Variants in NFIX observed in about 807,000 individuals in gnomAD.
NFIX encodes nuclear factor I X.
NFIX carries 2 observed loss-of-function variants against 53.3 expected under a neutral mutation model. The ratio of observed to expected loss-of-function variants is 0.04; its 90% CI spans 0.02 to 0.12. The LOEUF is 0.12. Among genes scored for constraint, NFIX ranks in the 10% least tolerant of loss-of-function variants. The pLI, the probability that NFIX is intolerant of heterozygous loss-of-function variation, is 1.00. For synonymous variants in NFIX, 244 were observed against 289.0 expected, an observed-to-expected ratio of 0.84 and a Z score of 1.58; for missense variants, 310 against 674.5, an observed-to-expected ratio of 0.46 and a Z score of 5.99.
intron 2 of NFIX, among the ~76,000 whole-genome samples, chr19:13,053,992 C>T (rs1392721072): frequency 3.9e-5 from 6 of 152,056 alleles, no homozygotes; most frequent in East Asian, 1.9e-4. Context: ...TACTGGCCTG[C>T]GGCCAGCGGC....
At chr19:13,015,632 G>A (rs1282173787) in intron 1 of NFIX, among the ~76,000 whole-genome samples, 1 of 152,178 alleles carries the variant, frequency 6.6e-6, no homozygotes, top group Non-Finnish European at 1.5e-5. Flanking sequence ...CAAGCAGGGC[G>A]AGAGGAGGGG....
intron 1 of NFIX, among the ~76,000 whole-genome samples, chr19:13,003,759 C>T (rs765263927): frequency 6.6e-6 from 1 of 152,176 alleles, no homozygotes. Context: ...CCATCTCAGC[C>T]TCCTGAGTAG....
intron 1 of NFIX, 37 bp downstream of exon 1, chr19:12,995,901 A>AGCGGGCGCGGGAGGCCGGCCGGCGGC (rs2011446732): frequency 1.1e-6 from 1 of 946,464 alleles, no homozygotes; most frequent in East Asian, 1.4e-4. Flanking sequence ...GGGGGAGGGG[A>AGCGGGCGCGGGAGGCCGGCCGGCGGC]GCGGGCGCGG....
At chr19:13,062,982 C>T (rs574587992) in intron 2 of NFIX, among the ~76,000 whole-genome samples, 1 of 152,300 alleles carries the variant, frequency 6.6e-6, no homozygotes, top group East Asian at 1.9e-4. Flanking sequence ...TTCTACAGTT[C>T]TAATCCCAGG....
chr19:13,011,194 TC>T lies in NFIX; in HGVS notation c.28-13822del, dbSNP rs1436466362. On this transcript the variant is annotated intron_variant, in intron 1 of 10. Coordinates refer to ENST00000592199, the MANE Select transcript of NFIX (RefSeq NM_001365902.3). The surrounding 1 kb of genome is among the most constrained non-coding windows in gnomAD (Gnocchi z 6.5). ...GTTCTTAAAGACCGGGGACCCCCCCTCCCCCAAGGGCCGGACTGCAGCTCCG... is the reference window on the plus strand; with the variant it reads ...GTTCTTAAAGACCGGGGACCCCCCCTCCCCAAGGGCCGGACTGCAGCTCCG... Among the ~76,000 whole-genome samples, 2 of 151,520 alleles carry T rather than the reference TC, an allele frequency of 1.3e-5. No individual in the cohort carries two copies. The highest frequency in any genetic ancestry group is 2.9e-5 in the Non-Finnish European group (2 of 67,878).
In NFIX at chr19:13,094,670, A is replaced by G; in HGVS notation, c.*21A>G. The G allele has an allele frequency of 1.3e-6, 2 of 1,535,686 alleles. No homozygotes were observed. The highest frequency in any genetic ancestry group is 1.7e-6 in the Non-Finnish European group (2 of 1,146,338). On this transcript the variant is annotated 3_prime_UTR_variant, in exon 11 of 11. Transcript: ENST00000592199. This position sits in a 1 kb window ranked among gnomAD's most constrained non-coding sequence, Gnocchi z 4.3. ...TCTGATAAGATCGACAAAAGAAACA[A>G]CAAAATGAGAAGAAGAGGTTCCTCG...
In NFIX at chr19:13,088,175, T is replaced by G; in HGVS notation, c.1402+39T>G. 6.5e-7 allele frequency: 1 copy of G among 1,534,432 alleles called. No individual in the cohort carries two copies. The highest frequency in any genetic ancestry group is 8.7e-7 in the Non-Finnish European group (1 of 1,145,560). ...GAAACCGAAACCACAACGCCCAGCGTCCCCGGCCCGTCCAAACAGTCTCCA... is the reference window on the plus strand; with the variant it reads ...GAAACCGAAACCACAACGCCCAGCGGCCCCGGCCCGTCCAAACAGTCTCCA... On this transcript the variant is annotated intron_variant, in intron 9 of 10. Transcript: ENST00000592199. This position sits in a 1 kb window ranked among gnomAD's most constrained non-coding sequence, Gnocchi z 5.9.
In NFIX at chr19:13,027,463, A is replaced by G. The variant is rs2013457605; in HGVS notation, c.559+1911A>G. ...GAAGGCTCGGAGCCTCGAGCTTACC[A>G]GTGTGGCCATCAGATACTCCTGCAC... On this transcript the variant is annotated intron_variant, in intron 2 of 10. Transcript: ENST00000592199. The surrounding 1 kb of genome is among the most constrained non-coding windows in gnomAD (Gnocchi z 4.3). 6.6e-6 allele frequency among the ~76,000 whole-genome samples: 1 copy of G among 152,164 alleles called. No homozygotes were observed. Among genetic ancestry groups the G allele is most frequent in the African/African-American group, 2.4e-5 (1 of 41,420 alleles).
chr19:13,070,078 G>A (rs1339432472), intron 2 of NFIX: 1 of 152,294 alleles, frequency 6.6e-6, no homozygotes, highest in Non-Finnish European at 1.5e-5. Flanking sequence ...AGGTAAGAAA[G>A]CTGGCCCACG....
rs1442488895 is a variant in NFIX at position 13,036,719 on chromosome 19, A to G, written c.559+11167A>G. Among the ~76,000 whole-genome samples the G allele has an allele frequency of 2.0e-5, 3 of 152,188 alleles. No homozygotes were observed. Among genetic ancestry groups the G allele is most frequent in the Admixed American group, 1.3e-4 (2 of 15,286 alleles). On this transcript the variant is annotated intron_variant, in intron 2 of 10. Transcript: ENST00000592199. The surrounding 1 kb of genome is among the most constrained non-coding windows in gnomAD (Gnocchi z 4.7). Reference sequence around the variant, plus strand: ...ATAACAGGTGGCCCAGAATACAGACAGGGGGTGTAATAAGTGTATATCCTC... The same window carrying G: ...ATAACAGGTGGCCCAGAATACAGACGGGGGGTGTAATAAGTGTATATCCTC...
Position 13,045,000 on chromosome 19 carries a change from C to T in NFIX, c.559+19448C>T, listed in dbSNP as rs200757408. 7.2e-5 allele frequency among the ~76,000 whole-genome samples: 11 copies of T among 152,256 alleles called. No homozygotes were observed. The East Asian group carries it at 1.4e-3, about 19-fold the overall frequency. On this transcript the variant is annotated intron_variant, in intron 2 of 10. Coordinates refer to ENST00000592199, the MANE Select transcript of NFIX (RefSeq NM_001365902.3). ...TCCCACTGCAGGCTGTGGGATGACA[C>T]GGGATGACTGCAGTACTGAGGATGG...
chr19:13,083,772 G>A (rs2017612291), intron 8 of NFIX, among the ~76,000 whole-genome samples: 1 of 152,252 alleles, frequency 6.6e-6, no homozygotes, highest in Non-Finnish European at 1.5e-5. Context: ...CCTGCTTGAT[G>A]GAGCCCACGC....
chr19:13,011,450 G>A lies in NFIX; in HGVS notation c.28-13571G>A, dbSNP rs932300257. 3.3e-5 allele frequency among the ~76,000 whole-genome samples: 5 copies of A among 152,246 alleles called. No individual in the cohort carries two copies. In the East Asian group the frequency reaches 9.7e-4, roughly 30 times the overall value. On this transcript the variant is annotated intron_variant, in intron 1 of 10. Coordinates refer to ENST00000592199, the MANE Select transcript of NFIX (RefSeq NM_001365902.3). The surrounding 1 kb of genome is among the most constrained non-coding windows in gnomAD (Gnocchi z 6.5). ...CCCGCCCTCCAGGCCTTCGCTCCAG[G>A]TGCGCCCGGGCGGTGGAGGCGAGTT... is the stretch of plus-strand genomic sequence containing the variant.
rs1474855547 is a variant in NFIX, at chr19:13,036,377, G to A, written c.559+10825G>A. Reference sequence around the variant, plus strand: ...AGAAGAGTGGCAGAGGAAGAAGAGCGTCCTCTCCAGGCCAGGGGTGGGGCT... The same window carrying A: ...AGAAGAGTGGCAGAGGAAGAAGAGCATCCTCTCCAGGCCAGGGGTGGGGCT... On this transcript the variant is annotated intron_variant, in intron 2 of 10. Transcript: ENST00000592199. This position sits in a 1 kb window ranked among gnomAD's most constrained non-coding sequence, Gnocchi z 4.7. 2.6e-5 allele frequency among the ~76,000 whole-genome samples: 4 copies of A among 152,188 alleles called. No homozygotes were observed. Among genetic ancestry groups the A allele is most frequent in the Non-Finnish European group, 4.4e-5 (3 of 68,030 alleles).
Position 13,025,272 on chromosome 19 carries a change from G to C in NFIX, c.279G>C (p.Leu93=). 6.2e-7 allele frequency: 1 copy of C among 1,614,102 alleles called. No homozygotes were observed. The highest frequency in any genetic ancestry group is 8.5e-7 in the Non-Finnish European group (1 of 1,179,938). The change falls in exon 2 of 11, where the codon CTG becomes CTC. Residue 93 remains leucine (L), a synonymous_variant. Transcript: ENST00000592199. The surrounding 1 kb of genome is among the most constrained non-coding windows in gnomAD (Gnocchi z 7.5). ...CCGAGTTCCGCGAGGACTTCGTGCTGACCATCACGGGCAAGAAGCCCCCCT... is the reference window on the plus strand; with the variant it reads ...CCGAGTTCCGCGAGGACTTCGTGCTCACCATCACGGGCAAGAAGCCCCCCT... ...IRPEFREDFV[L]TITGKKPPCC...
At chr19:13,024,999 G>A in intron 1 of NFIX, 22 bp from the exon 2 acceptor site, 1 of 1,574,622 alleles carries the variant, frequency 6.4e-7, no homozygotes, top group Non-Finnish European at 8.6e-7. Flanking sequence ...CGCCCCGCAT[G>A]CTCCCGGCTT....
rs1267215957 is a variant in NFIX, at chr19:13,025,636, GCGATAACT to G, written c.559+87_559+94del. 1 of 1,480,096 alleles carries G rather than the reference GCGATAACT, an allele frequency of 6.8e-7. No individual in the cohort carries two copies. The highest frequency in any genetic ancestry group is 1.4e-5 in the African/African-American group (1 of 72,376). The allele number at this position is 1,480,096 out of a possible 1,614,324, so 91.7% of individuals were successfully genotyped here. On this transcript the variant is annotated intron_variant, in intron 2 of 10. Coordinates refer to ENST00000592199, the MANE Select transcript of NFIX (RefSeq NM_001365902.3). This position sits in a 1 kb window ranked among gnomAD's most constrained non-coding sequence, Gnocchi z 7.5. ...TGTTTATTGTTCCTCTAATTTCCAAGCGATAACTCGCCATGGGCCTAACTGGTGTATGC... is the reference window on the plus strand; with the variant it reads ...TGTTTATTGTTCCTCTAATTTCCAAGCGCCATGGGCCTAACTGGTGTATGC...
At chr19:13,076,111 C>A (rs2017086771) in intron 6 of NFIX, among the ~76,000 whole-genome samples, 1 of 152,166 alleles carries the variant, frequency 6.6e-6, no homozygotes, top group South Asian at 2.1e-4. Context: ...CTACAAGATG[C>A]CAGCAGCAAA....
rs992119786 is a variant in NFIX at position 13,001,660 on chromosome 19, G to A, written c.27+5796G>A. ...CGTGTCAACTTGTGTCCACATACGT[G>A]TCAACGCACGTGTCTCCAGTGTCAT... On this transcript the variant is annotated intron_variant, in intron 1 of 10. Transcript: ENST00000592199. This position sits in a 1 kb window ranked among gnomAD's most constrained non-coding sequence, Gnocchi z 6.5. Among the ~76,000 whole-genome samples, 61 of 152,272 alleles carry A rather than the reference G, an allele frequency of 4.0e-4. No individual in the cohort carries two copies. The highest frequency in any genetic ancestry group is 1.3e-3 in the African/African-American group (55 of 41,566).
Sources: allele counts gnomAD v4.1 joint callset (sites outside exome capture counted in the v4.1 genomes callset), GRCh38; gene constraint gnomAD v4.1.1; non-coding constraint Gnocchi (gnomAD v3.1); transcripts MANE v1.5; gene names NCBI Gene and HGNC (gene_info 2026-07-23, HGNC 2026-07-21).